The following EDIL3 variants were observed in gnomAD, a reference collection of about 807,000 sequenced individuals.
EDIL3 encodes the protein EGF like and discoidin domains 3.
In EDIL3, 37 loss-of-function variants were observed where a neutral mutation model predicts 67.4. The ratio of observed to expected loss-of-function variants is 0.55; its 90% CI spans 0.42 to 0.72. EDIL3 has a LOEUF of 0.72. EDIL3 is among the 30% of genes least tolerant of loss of function. EDIL3 has a pLI of 0.00. For missense variants in EDIL3, 527 were observed against 586.3 expected, an observed-to-expected ratio of 0.90 and a Z score of 1.04; for synonymous variants, 195 against 196.3, an observed-to-expected ratio of 0.99 and a Z score of 0.05.
At chr5:84,074,591 T>A (rs994266156) in intron 6 of EDIL3, among the ~76,000 whole-genome samples, 3 of 151,660 alleles carry the variant, frequency 2.0e-5, no homozygotes, top group African/African-American at 7.3e-5. Context: ...AAAAGACACA[T>A]GAAAAAATGC....
rs1227315606 is a variant in EDIL3, at chr5:83,957,181, C to T, written c.1293+6024G>A. ...ACTCTGAATGGATGAAACTAATGGTCTCCATGCAATATGGAGTGAAACCGT... is the reference window on the plus strand; with the variant it reads ...ACTCTGAATGGATGAAACTAATGGTTTCCATGCAATATGGAGTGAAACCGT... On this transcript the variant is annotated intron_variant, in intron 10 of 10. Transcript: ENST00000296591. Among the ~76,000 whole-genome samples the T allele has an allele frequency of 2.6e-5, 4 of 151,666 alleles. No individual in the cohort carries two copies. In the East Asian group the frequency reaches 7.8e-4, roughly 30 times the overall value.
chr5:84,028,207 C>T lies in EDIL3; in HGVS notation c.1137+32093G>A, dbSNP rs373471382. Among the ~76,000 whole-genome samples the T allele has an allele frequency of 2.0e-5, 3 of 152,076 alleles. No homozygotes were observed. In the South Asian group the frequency reaches 6.2e-4, roughly 32 times the overall value. ...CTATTCCTACTTTCCTTGCTTTACT[C>T]AGGGGCTTATTATTTCCCGTCTGCC... On this transcript the variant is annotated intron_variant, in intron 9 of 10. Transcript: ENST00000296591.
chr5:84,191,223 A>C (rs1356769846), intron 3 of EDIL3, among the ~76,000 whole-genome samples: 1 of 152,116 alleles, frequency 6.6e-6, no homozygotes, highest in Non-Finnish European at 1.5e-5. Context: ...CCACAAAGCT[A>C]CAGTTCTTTC....
intron 4 of EDIL3, among the ~76,000 whole-genome samples, chr5:84,169,434 C>T (rs1401781221): frequency 1.3e-5 from 2 of 151,886 alleles, no homozygotes; most frequent in Non-Finnish European, 2.9e-5. Context: ...TAATTAGGCT[C>T]TATAGAATTT....
At chr5:84,155,019 T>C (rs1347087868) in intron 4 of EDIL3, among the ~76,000 whole-genome samples, 1 of 152,108 alleles carries the variant, frequency 6.6e-6, no homozygotes, top group African/African-American at 2.4e-5. Context: ...ATTCTAAGTT[T>C]AGCTGATTCC....
chr5:84,126,832 A>G (rs1274965089), intron 5 of EDIL3, among the ~76,000 whole-genome samples: 1 of 152,118 alleles, frequency 6.6e-6, no homozygotes, highest in Non-Finnish European at 1.5e-5. Flanking sequence ...GAATGCCCTT[A>G]TATTAATCCT....
intron 4 of EDIL3, among the ~76,000 whole-genome samples, chr5:84,155,638 G>C (rs973291870): frequency 6.6e-6 from 1 of 151,832 alleles, no homozygotes; most frequent in Non-Finnish European, 1.5e-5. Flanking sequence ...TCTAAGTTTT[G>C]GAATATTTCT....
At chr5:84,144,336 T>A (rs1269161052) in intron 4 of EDIL3, among the ~76,000 whole-genome samples, 1 of 146,530 alleles carries the variant, frequency 6.8e-6, no homozygotes, top group East Asian at 2.4e-4. Context: ...CATCCTTAGT[T>A]CTACACTAGG....
intron 3 of EDIL3, among the ~76,000 whole-genome samples, chr5:84,216,812 G>T (rs943354951): frequency 4.6e-5 from 7 of 152,162 alleles, no homozygotes; most frequent in African/African-American, 1.7e-4. Flanking sequence ...CCCTATTACA[G>T]GATGAGCAAC....
chr5:83,955,294 G>T (rs2112121428), intron 10 of EDIL3, among the ~76,000 whole-genome samples: 1 of 151,828 alleles, frequency 6.6e-6, no homozygotes, highest in East Asian at 2.0e-4. Flanking sequence ...ACTGGGAAAA[G>T]TAAGGTGATA....
chr5:84,375,128 C>T lies in EDIL3; in HGVS notation c.67+9180G>A, dbSNP rs138981237. Among the ~76,000 whole-genome samples, 338 of 152,084 alleles carry T rather than the reference C, an allele frequency of 2.2e-3. 2 individuals are homozygous for T. Among genetic ancestry groups the T allele is most frequent in the African/African-American group, 7.2e-3 (299 of 41,484 alleles). ...CTGGGACTACAGGCACACACCACCACGCCCAGCTATTTTTTGTATTTTTAG... is the reference window on the plus strand; with the variant it reads ...CTGGGACTACAGGCACACACCACCATGCCCAGCTATTTTTTGTATTTTTAG... On this transcript the variant is annotated intron_variant, in intron 1 of 10. Transcript: ENST00000296591.
intron 1 of EDIL3, among the ~76,000 whole-genome samples, chr5:84,303,850 T>TGTGTTTG (rs34555925): frequency 3.0e-3 from 298 of 99,098 alleles, no homozygotes; most frequent in African/African-American, 9.0e-3. Flanking sequence ...GTGTGTGTGT[T>TGTGTTTG]TGTGTGTGTG....
intron 10 of EDIL3, among the ~76,000 whole-genome samples, chr5:83,950,022 A>G (rs1171444746): frequency 6.6e-6 from 1 of 151,418 alleles, no homozygotes; most frequent in Non-Finnish European, 1.5e-5. Flanking sequence ...TTCCACAAAA[A>G]CTCTGAATAC....
chr5:84,271,972 T>A (rs1232874602), intron 1 of EDIL3, among the ~76,000 whole-genome samples: 3 of 152,178 alleles, frequency 2.0e-5, no homozygotes, highest in Non-Finnish European at 4.4e-5. Flanking sequence ...AGCTTAATTT[T>A]AAAAAGTTTT....
At chr5:84,369,982 C>T (rs1012073940) in intron 1 of EDIL3, among the ~76,000 whole-genome samples, 14 of 152,138 alleles carry the variant, frequency 9.2e-5, no homozygotes, top group Non-Finnish European at 1.5e-4. Flanking sequence ...AAATTAACTG[C>T]CTTTCCTCAA....
chr5:84,367,273 A>AT (rs1344317786), intron 1 of EDIL3, among the ~76,000 whole-genome samples: 10 of 152,120 alleles, frequency 6.6e-5, no homozygotes, highest in Non-Finnish European at 1.3e-4. Flanking sequence ...TTTAAATTTA[A>AT]TGACTTTTTT....
intron 6 of EDIL3, among the ~76,000 whole-genome samples, chr5:84,096,218 C>T (rs1474063587): frequency 6.6e-6 from 1 of 152,118 alleles, no homozygotes; most frequent in Non-Finnish European, 1.5e-5. Flanking sequence ...AGAGGGCCAC[C>T]ATCCTAGAGA....
At chr5:84,131,054 A>C (rs1747957711) in intron 5 of EDIL3, among the ~76,000 whole-genome samples, 1 of 152,132 alleles carries the variant, frequency 6.6e-6, no homozygotes, top group African/African-American at 2.4e-5. Context: ...TAAATAATAA[A>C]ACTTAAAATC....
intron 2 of EDIL3, among the ~76,000 whole-genome samples, chr5:84,232,471 A>C (rs773745173): frequency 2.0e-5 from 3 of 152,214 alleles, no homozygotes; most frequent in Non-Finnish European, 4.4e-5. Context: ...AATTTTAGGA[A>C]GGAATTAGCA....
Sources: gnomAD v4.1 joint callset for allele counts (sites outside exome capture counted in the v4.1 genomes callset) on GRCh38, gnomAD v4.1.1 for gene constraint, MANE v1.5 for transcripts, NCBI Gene and HGNC (gene_info 2026-07-23, HGNC 2026-07-21) for gene names.